PDGFD: variants seen among roughly 807,000 people sequenced by gnomAD.
PDGFD encodes platelet derived growth factor D.
PDGFD carries 30 observed loss-of-function variants against 44.7 expected under a neutral mutation model. That is an observed-to-expected ratio of 0.67 (90% CI 0.50 to 0.91). The LOEUF (loss-of-function observed/expected upper bound fraction) is 0.91, where lower values mean the gene tolerates loss of function less well. Ranked by LOEUF, PDGFD falls within the 40% of genes least tolerant of loss-of-function variation. The probability of loss-of-function intolerance (pLI) is 0.00; values close to 1 mark genes in which losing one functional copy is unlikely to be tolerated. For synonymous variants in PDGFD, 173 were observed against 168.4 expected (o/e 1.03, Z -0.21); for missense variants, 445 against 457.8 (o/e 0.97, Z 0.25).
intron 1 of PDGFD, among the ~76,000 whole-genome samples, chr11:104,102,278 G>T (rs539158282): frequency 3.3e-5 from 5 of 152,256 alleles, no homozygotes; most frequent in African/African-American, 1.2e-4. Flanking sequence ...GATATGAACA[G>T]ACACTTCTCA....
intron 1 of PDGFD, among the ~76,000 whole-genome samples, chr11:104,005,000 T>C (rs1362133915): frequency 1.4e-5 from 2 of 146,706 alleles, no homozygotes; most frequent in African/African-American, 5.0e-5. Context: ...TGCCTCAGCC[T>C]CCCGAGTAGC....
At chr11:103,923,914 C>G (rs937278000) in intron 6 of PDGFD, among the ~76,000 whole-genome samples, 2 of 152,130 alleles carry the variant, frequency 1.3e-5, no homozygotes, top group Admixed American at 6.6e-5. Context: ...GCTTTAGATA[C>G]AGTTTCAAAG....
chr11:103,940,515 T>C (rs1858566388), intron 5 of PDGFD, among the ~76,000 whole-genome samples: 2 of 152,148 alleles, frequency 1.3e-5, no homozygotes, highest in South Asian at 4.1e-4. Context: ...ATTTGACACC[T>C]AATGGACTTC....
rs182945916 is a variant in PDGFD at position 104,030,021 on chromosome 11, C to T, written c.125-29766G>A. On this transcript the variant is annotated intron_variant, in intron 1 of 6. Coordinates refer to ENST00000393158, the MANE Select transcript of PDGFD (RefSeq NM_025208.5). Reference sequence around the variant, plus strand: ...AAATTCCACACCTGACCTCACGAGACGGGTCTTAGTCAAAATGTAAGTTAA... The same window carrying T: ...AAATTCCACACCTGACCTCACGAGATGGGTCTTAGTCAAAATGTAAGTTAA... 5.3e-5 allele frequency among the ~76,000 whole-genome samples: 8 copies of T among 152,224 alleles called. No homozygotes were observed. In the South Asian group the frequency reaches 6.2e-4, roughly 12 times the overall value.
intron 1 of PDGFD, among the ~76,000 whole-genome samples, chr11:104,048,341 C>A (rs982891589): frequency 1.3e-5 from 2 of 151,584 alleles, no homozygotes; most frequent in Non-Finnish European, 2.9e-5. Flanking sequence ...CTAGATAGAG[C>A]GAAACATTCA....
At chr11:103,941,473 A>G (rs1174464680) in intron 5 of PDGFD, among the ~76,000 whole-genome samples, 2 of 152,150 alleles carry the variant, frequency 1.3e-5, no homozygotes, top group Non-Finnish European at 2.9e-5. Context: ...TAATGCAAAC[A>G]TATTTCAGAA....
At chr11:104,119,793 T>G (rs1350991016) in intron 1 of PDGFD, among the ~76,000 whole-genome samples, 4 of 115,500 alleles carry the variant, frequency 3.5e-5, no homozygotes, top group African/African-American at 1.4e-4. Context: ...TATAAGAAAT[T>G]ATATATTATA....
At chr11:104,020,642 T>C (rs1279912260) in intron 1 of PDGFD, among the ~76,000 whole-genome samples, 2 of 152,142 alleles carry the variant, frequency 1.3e-5, no homozygotes, top group Non-Finnish European at 2.9e-5. Context: ...TTGGGAGTAC[T>C]GGGCTTAGAA....
intron 1 of PDGFD, among the ~76,000 whole-genome samples, chr11:104,109,106 T>G (rs180802057): frequency 6.6e-6 from 1 of 151,366 alleles, no homozygotes; most frequent in African/African-American, 2.4e-5. Flanking sequence ...ATGTAAATGA[T>G]GAATTAATGG....
intron 1 of PDGFD, among the ~76,000 whole-genome samples, chr11:104,110,146 G>A (rs1861532049): frequency 6.6e-6 from 1 of 152,096 alleles, no homozygotes; most frequent in Non-Finnish European, 1.5e-5. Context: ...AGAAAGTATG[G>A]AGATTTTCCT....
intron 1 of PDGFD, among the ~76,000 whole-genome samples, chr11:104,076,189 T>G (rs887493556): frequency 5.3e-5 from 8 of 152,148 alleles, no homozygotes; most frequent in African/African-American, 1.7e-4. Context: ...TCCACCATGA[T>G]TATGTTTCCT....
At chr11:104,000,740 A>C (rs942583470) in intron 1 of PDGFD, among the ~76,000 whole-genome samples, 5 of 152,214 alleles carry the variant, frequency 3.3e-5, no homozygotes, top group African/African-American at 1.2e-4. Flanking sequence ...CAGTTCATTT[A>C]GTATGGATTA....
At chr11:104,075,741 T>C (rs1860947892) in intron 1 of PDGFD, among the ~76,000 whole-genome samples, 1 of 152,172 alleles carries the variant, frequency 6.6e-6, no homozygotes, top group African/African-American at 2.4e-5. Context: ...CCATTACCCC[T>C]GGTATCTGTC....
intron 6 of PDGFD, among the ~76,000 whole-genome samples, chr11:103,914,637 A>C (rs910937906): frequency 1.9e-4 from 29 of 152,330 alleles, no homozygotes; most frequent in African/African-American, 6.5e-4. Flanking sequence ...TAGCAGTGAC[A>C]CAACAAAAAG....
At chr11:104,120,663 C>A (rs1410715564) in intron 1 of PDGFD, among the ~76,000 whole-genome samples, 1 of 151,876 alleles carries the variant, frequency 6.6e-6, no homozygotes, top group Non-Finnish European at 1.5e-5. Context: ...TCTTCCCATT[C>A]TGTTTCTTTA....
At chr11:103,943,314 T>C in intron 5 of PDGFD, 138 bp downstream of exon 5, 2 of 796,354 alleles carry the variant, frequency 2.5e-6, no homozygotes, top group South Asian at 3.8e-5. Flanking sequence ...CAAGTATAAA[T>C]GTAAATGTTC....
intron 1 of PDGFD, among the ~76,000 whole-genome samples, chr11:104,118,832 T>A (rs1364102365): frequency 1.3e-3 from 46 of 35,692 alleles, no homozygotes; most frequent in Admixed American, 2.4e-3. Flanking sequence ...TTATAAATAT[T>A]AATATATAAT....
intron 3 of PDGFD, among the ~76,000 whole-genome samples, chr11:103,973,943 A>G (rs1859142419): frequency 6.6e-6 from 1 of 151,978 alleles, no homozygotes; most frequent in Non-Finnish European, 1.5e-5. Flanking sequence ...AAGGGTTTTA[A>G]GCAGAAGAAT....
intron 3 of PDGFD, among the ~76,000 whole-genome samples, chr11:103,962,700 G>A (rs189869669): frequency 2.6e-5 from 4 of 152,082 alleles, no homozygotes; most frequent in African/African-American, 9.7e-5. Flanking sequence ...ATGGAACACC[G>A]ACTGTGTGAC....
Sources: allele counts gnomAD v4.1 joint callset (sites outside exome capture counted in the v4.1 genomes callset), GRCh38; gene constraint gnomAD v4.1.1; transcripts MANE v1.5; gene names NCBI Gene and HGNC (gene_info 2026-07-23, HGNC 2026-07-21).